Variants in MCM3AP observed in about 807,000 individuals in gnomAD.
The protein encoded by MCM3AP is minichromosome maintenance complex component 3 associated protein.
In MCM3AP, 126 loss-of-function variants were observed where a neutral mutation model predicts 184.1. That is an observed-to-expected ratio of 0.68 (90% CI 0.59 to 0.79). The LOEUF is 0.79. Ranked by LOEUF, MCM3AP falls within the 30% of genes least tolerant of loss-of-function variation. The probability of loss-of-function intolerance (pLI) is 0.00; values close to 1 mark genes in which losing one functional copy is unlikely to be tolerated. For missense variants in MCM3AP, 2,496 were observed against 2,479.2 expected (o/e 1.01, Z -0.14); for synonymous variants, 1,002 against 979.3 (o/e 1.02, Z -0.43).
intron 11 of MCM3AP, 131 bp from the exon 12 acceptor site, chr21:46,265,654 G>A (rs2081101819): frequency 2.6e-6 from 2 of 783,894 alleles, no homozygotes; most frequent in Admixed American, 5.9e-5. Flanking sequence ...CCCTCCAGGA[G>A]ACCAGCTACG....
chr21:46,281,102 G>C (rs1430961663), intron 2 of MCM3AP, among the ~76,000 whole-genome samples: 1 of 152,114 alleles, frequency 6.6e-6, no homozygotes, highest in African/African-American at 2.4e-5. Context: ...CACCGCGCCC[G>C]GCCCCTTTTT....
At chr21:46,240,693 A>G (rs2080645819) in intron 26 of MCM3AP, 118 bp downstream of exon 26, 3 of 859,374 alleles carry the variant, frequency 3.5e-6, no homozygotes, top group Non-Finnish European at 5.5e-6. Flanking sequence ...AACTGTTGCT[A>G]ATAATCCACC....
chr21:46,263,101 G>A (rs976650117), intron 13 of MCM3AP, among the ~76,000 whole-genome samples: 12 of 150,346 alleles, frequency 8.0e-5, no homozygotes, highest in African/African-American at 1.7e-4. Context: ...AGGCCAAGGC[G>A]GGCGGATCAC....
intron 26 of MCM3AP, among the ~76,000 whole-genome samples, chr21:46,240,403 A>G (rs1333683612): frequency 6.6e-6 from 1 of 152,092 alleles, no homozygotes; most frequent in African/African-American, 2.4e-5. Flanking sequence ...GGAAGTGGGC[A>G]ATGTAGAGGA....
chr21:46,281,969 G>C (rs1309123648), intron 2 of MCM3AP, among the ~76,000 whole-genome samples: 1 of 152,092 alleles, frequency 6.6e-6, no homozygotes, highest in Non-Finnish European at 1.5e-5. Flanking sequence ...CTACAATACA[G>C]GCTGGGAGAC....
chr21:46,285,039 G>T lies in MCM3AP; in HGVS notation c.248C>A (p.Pro83His). 3.1e-6 allele frequency: 5 copies of T among 1,614,162 alleles called. No individual in the cohort carries two copies. The highest frequency in any genetic ancestry group is 1.6e-4 in the Middle Eastern group (1 of 6,062). ...GGAAGTGTGCTCAAGTCCAGAAAAG[G>T]GTCCAACACTTGAGGTTTGGGTGAA... ...LGFTQTSSVG[P>H]FSGLEHTSTF... The change falls in exon 1 of 28, where the codon CCC becomes CAC. Residue 83 changes from proline to histidine, a missense_variant. Pro to His is a moderately conservative substitution (Grantham distance 77). This residue lies in a region of MCM3AP where 800 missense variants were observed against 717.1 expected (regional missense o/e 1.12). Coordinates refer to ENST00000291688, the MANE Select transcript of MCM3AP (RefSeq NM_003906.5).
intron 25 of MCM3AP, 79 bp downstream of exon 25, chr21:46,242,723 T>G (rs2080689385): frequency 1.4e-6 from 2 of 1,447,736 alleles, no homozygotes; most frequent in Non-Finnish European, 1.9e-6. Context: ...ATTTGGCATG[T>G]AGGATGTTAA....
intron 4 of MCM3AP, among the ~76,000 whole-genome samples, chr21:46,278,043 C>T (rs531540789): frequency 2.0e-4 from 30 of 152,086 alleles, no homozygotes; most frequent in Middle Eastern, 3.4e-3. Flanking sequence ...CCCAGCTACT[C>T]GAGAGGCTGG....
chr21:46,276,132 G>A (rs1001426237), intron 5 of MCM3AP, among the ~76,000 whole-genome samples: 9 of 151,920 alleles, frequency 5.9e-5, no homozygotes, highest in Admixed American at 1.3e-4. Context: ...CATGGCTGTA[G>A]TCCCAGCTAC....
rs61743010 is a variant in MCM3AP, at chr21:46,242,885, G to A, written c.5343C>T (p.Asn1781=). ...DGQICVYFFK[N]DLKKYDVPLS... is the part of the protein sequence containing the mutation. ...AAGGAACATCATATTTTTTCAAATC[G>A]TTTTTAAAAAAATACACACATATCT... is the stretch of plus-strand genomic sequence containing the variant. Residue 1781 remains asparagine (N), a synonymous_variant, in exon 25 of 28, where the codon AAC becomes AAT. Coordinates refer to ENST00000291688, the MANE Select transcript of MCM3AP (RefSeq NM_003906.5). 2.6e-5 allele frequency: 42 copies of A among 1,608,032 alleles called. No individual in the cohort carries two copies. The highest frequency in any genetic ancestry group is 3.3e-5 in the South Asian group (3 of 90,786).
intron 4 of MCM3AP, among the ~76,000 whole-genome samples, chr21:46,278,421 A>T (rs1470366414): frequency 6.6e-6 from 1 of 152,176 alleles, no homozygotes; most frequent in East Asian, 1.9e-4. Flanking sequence ...CCAGCAACTA[A>T]ACTGCTCGTC....
intron 2 of MCM3AP, among the ~76,000 whole-genome samples, chr21:46,282,597 G>A (rs2081347698): frequency 6.6e-6 from 1 of 152,098 alleles, no homozygotes; most frequent in Non-Finnish European, 1.5e-5. Context: ...GAGGTCAGGA[G>A]ATCGAGACCA....
At chr21:46,266,933 A>T in intron 10 of MCM3AP, 49 bp downstream of exon 10, 2 of 1,600,802 alleles carry the variant, frequency 1.2e-6, no homozygotes, top group Non-Finnish European at 1.7e-6. Flanking sequence ...ATCAGAATTA[A>T]CAAGAAAAAA....
At chr21:46,271,255 G>A (rs529750968) in intron 8 of MCM3AP, among the ~76,000 whole-genome samples, 43 of 150,868 alleles carry the variant, frequency 2.9e-4, no homozygotes, top group African/African-American at 8.8e-4. Context: ...TCAACCTCCT[G>A]GCCTCAAGCA....
chr21:46,259,058 CA>C lies in MCM3AP; in HGVS notation c.3614del (p.Val1205GlyfsTer12). 1 of 1,613,954 alleles carries C rather than the reference CA, an allele frequency of 6.2e-7. No homozygotes were observed. The highest frequency in any genetic ancestry group is 8.5e-7 in the Non-Finnish European group (1 of 1,179,958). On this transcript the variant is annotated frameshift_variant, in exon 16 of 28. Transcript: ENST00000291688. LOFTEE classifies it high-confidence loss of function. Reference sequence around the variant, plus strand: ...CACAGACATCCTCACAGCAACGGGCCACACGGACCCTCTGGTCTGTCTCTAC... The same window carrying C: ...CACAGACATCCTCACAGCAACGGGCCCACGGACCCTCTGGTCTGTCTCTAC... ...NAVETDQRVR[V>X]ARCCEDVCAH...
chr21:46,247,987 A>C (rs1376688039), intron 20 of MCM3AP, among the ~76,000 whole-genome samples: 2 of 152,150 alleles, frequency 1.3e-5, no homozygotes, highest in Non-Finnish European at 2.9e-5. Context: ...GAAAGAGGGA[A>C]GGCAAGCCAG....
At chr21:46,244,381 A>G (rs2080727923) in intron 23 of MCM3AP, among the ~76,000 whole-genome samples, 1 of 152,022 alleles carries the variant, frequency 6.6e-6, no homozygotes, top group Non-Finnish European at 1.5e-5. Flanking sequence ...TTGACAAAGA[A>G]AGAATGTTAA....
rs1254268422 is a variant in MCM3AP at position 46,283,928 on chromosome 21, T to G, written c.1220-90A>C. The G allele has an allele frequency of 3.9e-6, 6 of 1,547,700 alleles. No individual in the cohort carries two copies. The East Asian group carries it at 1.1e-4, about 29-fold the overall frequency. On this transcript the variant is annotated intron_variant, in intron 1 of 27. Coordinates refer to ENST00000291688, the MANE Select transcript of MCM3AP (RefSeq NM_003906.5). ...TGTCGAAGCAGAGGAAATTTTCAGA[T>G]GTAAGACCTGCTCCGATGACATGTT...
rs75270326 is a variant in MCM3AP, at chr21:46,283,553, A to T, written c.1443+62T>A. On this transcript the variant is annotated intron_variant, in intron 2 of 27. Coordinates refer to ENST00000291688, the MANE Select transcript of MCM3AP (RefSeq NM_003906.5). The stretch of plus-strand genomic sequence containing the variant: ...ACAACTGAGGGACCAAAAAAAAAAA[A>T]CAGGTTTTAAAGTGACAAGGTTCAA... The T allele has an allele frequency of 3.8e-4, 452 of 1,190,754 alleles. 1 individual carries two copies. The highest frequency in any genetic ancestry group is 2.6e-4 in the Non-Finnish European group (213 of 822,168). 73.8% of individuals were successfully genotyped at this position (1,190,754 alleles called of 1,614,324 possible). A position where few individuals can be genotyped will look rare whatever the true frequency, so the allele number is the denominator to read the frequency against.
Sources: allele counts gnomAD v4.1 joint callset (sites outside exome capture counted in the v4.1 genomes callset), GRCh38; gene constraint gnomAD v4.1.1; regional missense constraint gnomAD v4.1.1; transcripts MANE v1.5; gene names NCBI Gene and HGNC (gene_info 2026-07-23, HGNC 2026-07-21).